Variants in RDX observed in about 807,000 individuals in gnomAD.
The protein encoded by RDX is deafness, autosomal recessive 24.
A neutral mutation model predicts 83.7 loss-of-function variants in RDX; 32 were observed. That is an observed-to-expected ratio of 0.38 (90% CI 0.29 to 0.51). The LOEUF is 0.51. Ranked by LOEUF, RDX falls within the 20% of genes least tolerant of loss-of-function variation. RDX has a pLI of 0.87. For missense variants in RDX, 600 were observed against 689.9 expected, an observed-to-expected ratio of 0.87 and a Z score of 1.46; for synonymous variants, 229 against 222.7, an observed-to-expected ratio of 1.03 and a Z score of -0.25.
At chr11:110,296,153 AC>A (rs1861447262) in intron 1 of RDX, among the ~76,000 whole-genome samples, 1 of 151,908 alleles carries the variant, frequency 6.6e-6, no homozygotes, top group Non-Finnish European at 1.5e-5. Context: ...CTGAAGGCAG[AC>A]TCCGCGCCCC....
intron 3 of RDX, 145 bp from the exon 4 acceptor site, chr11:110,265,019 G>C: frequency 2.3e-6 from 1 of 427,412 alleles, no homozygotes; most frequent in East Asian, 3.9e-5. Context: ...CTAAATTTAA[G>C]ATATTAAAGG....
chr11:110,187,475 C>G (rs1029943996), intron 15 of RDX, among the ~76,000 whole-genome samples: 2 of 152,188 alleles, frequency 1.3e-5, no homozygotes, highest in Non-Finnish European at 2.9e-5. Context: ...GAGCAGAGAT[C>G]ATGGTGCAGG....
chr11:110,286,017 C>T (rs1009828274), intron 1 of RDX, among the ~76,000 whole-genome samples: 5 of 151,632 alleles, frequency 3.3e-5, no homozygotes, highest in African/African-American at 9.7e-5. Flanking sequence ...TTCCACTCTT[C>T]CCTCATAAAA....
chr11:110,289,484 T>C (rs1244279004), intron 1 of RDX, among the ~76,000 whole-genome samples: 1 of 152,192 alleles, frequency 6.6e-6, no homozygotes, highest in East Asian at 1.9e-4. Flanking sequence ...TTATAGTTTT[T>C]CTAAGTCTAG....
At chr11:110,290,746 C>G (rs182053834) in intron 1 of RDX, among the ~76,000 whole-genome samples, 1 of 152,316 alleles carries the variant, frequency 6.6e-6, no homozygotes, top group Admixed American at 6.5e-5. Context: ...CACACAGTCT[C>G]TGTTGAAACC....
chr11:110,206,014 G>A (rs1365214714), intron 14 of RDX, among the ~76,000 whole-genome samples: 1 of 152,110 alleles, frequency 6.6e-6, no homozygotes, highest in Non-Finnish European at 1.5e-5. Flanking sequence ...CCAGCACTTT[G>A]GGAGACCAAG....
At chr11:110,241,313 T>G (rs1011004704) in intron 10 of RDX, among the ~76,000 whole-genome samples, 16 of 152,054 alleles carry the variant, frequency 1.1e-4, no homozygotes, top group African/African-American at 3.9e-4. Context: ...TTTTTTTTAT[T>G]TGAGATGGAG....
intron 10 of RDX, among the ~76,000 whole-genome samples, chr11:110,245,824 T>C (rs1049161521): frequency 1.3e-5 from 2 of 152,218 alleles, no homozygotes; most frequent in Non-Finnish European, 2.9e-5. Flanking sequence ...ACACACAAGG[T>C]GTATCCAAAA....
At chr11:110,268,328 A>G (rs1288710512) in intron 3 of RDX, among the ~76,000 whole-genome samples, 2 of 151,846 alleles carry the variant, frequency 1.3e-5, no homozygotes, top group South Asian at 2.1e-4. Context: ...AAAAAAAAAA[A>G]GCAAAAAGTG....
chr11:110,220,209 A>G (rs1864197254), intron 14 of RDX, among the ~76,000 whole-genome samples: 1 of 152,256 alleles, frequency 6.6e-6, no homozygotes, highest in East Asian at 1.9e-4. Context: ...TGGAACCCAA[A>G]GGACTTGGCT....
At chr11:110,293,946 G>A (rs1861344660) in intron 1 of RDX, among the ~76,000 whole-genome samples, 1 of 152,082 alleles carries the variant, frequency 6.6e-6, no homozygotes, top group African/African-American at 2.4e-5. Context: ...AATTAAAAAT[G>A]GATGAAAAAA....
chr11:110,185,591 C>G (rs745637172), intron 15 of RDX: 10 of 152,244 alleles, frequency 6.6e-5, no homozygotes, highest in Non-Finnish European at 1.0e-4. Context: ...GCAGGCAGTT[C>G]TGCTGCACAT....
At chr11:110,198,998 A>G (rs964065854) in intron 15 of RDX, among the ~76,000 whole-genome samples, 6 of 152,026 alleles carry the variant, frequency 3.9e-5, no homozygotes, top group African/African-American at 1.4e-4. Flanking sequence ...TATTTTTAGT[A>G]GAGACGGGGT....
chr11:110,215,653 A>C (rs1864025212), intron 14 of RDX, among the ~76,000 whole-genome samples: 1 of 152,200 alleles, frequency 6.6e-6, no homozygotes, highest in African/African-American at 2.4e-5. Flanking sequence ...CCTATAAGTC[A>C]ATCAATACAT....
intron 15 of RDX, chr11:110,195,492 T>C (rs1863185346): frequency 6.6e-6 from 1 of 152,182 alleles, no homozygotes; most frequent in Non-Finnish European, 1.5e-5. Flanking sequence ...GAACCTGAGA[T>C]GGGGCAGGCA....
At chr11:110,186,589 G>A (rs189557022) in intron 15 of RDX, among the ~76,000 whole-genome samples, 1 of 152,022 alleles carries the variant, frequency 6.6e-6, no homozygotes, top group East Asian at 1.9e-4. Context: ...CAAGGAGAAG[G>A]TAGGCAGGCA....
intron 15 of RDX, among the ~76,000 whole-genome samples, chr11:110,180,637 A>G (rs371836358): frequency 3.4e-5 from 5 of 146,990 alleles, no homozygotes; most frequent in African/African-American, 1.3e-4. Context: ...GTCTGTGTGC[A>G]TGCTCCTATC....
At chr11:110,204,514 C>CTTTTTTTT (rs577737066) in intron 14 of RDX, among the ~76,000 whole-genome samples, 1 of 107,734 alleles carries the variant, frequency 9.3e-6, no homozygotes, top group African/African-American at 3.8e-5. Flanking sequence ...TTTTTTTTTC[C>CTTTTTTTT]TTTTTTTTTT....
chr11:110,203,218 TG>T (rs1210322236), intron 14 of RDX, among the ~76,000 whole-genome samples: 6 of 152,098 alleles, frequency 3.9e-5, no homozygotes, highest in Non-Finnish European at 7.4e-5. Flanking sequence ...ACTACATGGA[TG>T]GAACTGGAGA....
Sources: gnomAD v4.1 joint callset for allele counts (sites outside exome capture counted in the v4.1 genomes callset) on GRCh38, gnomAD v4.1.1 for gene constraint, MANE v1.5 for transcripts, NCBI Gene and HGNC (gene_info 2026-07-23, HGNC 2026-07-21) for gene names.